Variants in NELFA observed in about 807,000 individuals in gnomAD.
The protein encoded by NELFA is negative elongation factor A.
Under a neutral mutation model 51.8 loss-of-function variants are expected in NELFA, and 35 were observed. The ratio of observed to expected loss-of-function variants is 0.68; its 90% confidence interval spans 0.52 to 0.90. The LOEUF (loss-of-function observed/expected upper bound fraction) is 0.90, where lower values mean the gene tolerates loss of function less well. NELFA is among the 40% of genes least tolerant of loss of function. The pLI is 0.00. For missense variants in NELFA, 658 were observed against 746.4 expected, an observed-to-expected ratio of 0.88 and a Z score of 1.38; for synonymous variants, 417 against 338.4, an observed-to-expected ratio of 1.23 and a Z score of -2.55.
intron 1 of NELFA, among the ~76,000 whole-genome samples, chr4:2,004,584 C>T: frequency 6.6e-6 from 1 of 151,698 alleles, no homozygotes. Context: ...ACCTCCCAGG[C>T]TCAAGTGATC....
intron 8 of NELFA, 35 bp from the exon 9 acceptor site, chr4:1,984,148 A>AC: frequency 6.7e-7 from 1 of 1,485,802 alleles, no homozygotes; most frequent in Non-Finnish European, 8.9e-7. Context: ...AGGGGGCTGG[A>AC]CCCCCACCCT....
chr4:2,002,339 A>G (rs1728604849), intron 1 of NELFA, among the ~76,000 whole-genome samples: 1 of 152,234 alleles, frequency 6.6e-6, no homozygotes, highest in Non-Finnish European at 1.5e-5. Flanking sequence ...GCTATTCCCA[A>G]CAAACTACCA....
At position 1,985,874 on chromosome 4, in the gene NELFA, A is replaced by G. The variant is rs750794021; in HGVS notation, c.836-10T>C. 6.2e-7 allele frequency: 1 copy of G among 1,609,562 alleles called. No individual in the cohort carries two copies. Among genetic ancestry groups the G allele is most frequent in the Non-Finnish European group, 8.5e-7 (1 of 1,177,308 alleles). Reference sequence around the variant, plus strand: ...TCCACCACCTCCGCATCTGTGGACAAAACAGGAGTCCTCGCCAGTGCCCGG... The same window carrying G: ...TCCACCACCTCCGCATCTGTGGACAGAACAGGAGTCCTCGCCAGTGCCCGG... On this transcript the variant is annotated splice_polypyrimidine_tract_variant and intron_variant, in intron 6 of 10. Coordinates refer to ENST00000382882, the MANE Select transcript of NELFA (RefSeq NM_005663.5).
intron 2 of NELFA, chr4:1,990,624 G>C: frequency 2.4e-6 from 1 of 416,138 alleles, no homozygotes; most frequent in Non-Finnish European, 4.9e-6. Flanking sequence ...GCAGGAGTGT[G>C]CAGCCTCGAT....
chr4:1,983,420 C>A lies in NELFA; in HGVS notation c.1486G>T (p.Gly496Cys). Reference sequence around the variant, plus strand: ...GTGTCCACCAGCATGGTTGTGCTACCCTGGCCGTCCGCCTTGGGCAGGTCC... The same window carrying A: ...GTGTCCACCAGCATGGTTGTGCTACACTGGCCGTCCGCCTTGGGCAGGTCC... The part of the protein sequence containing the change: ...TEDLPKADGQ[G>C]STTMLVDTVF... The change falls in exon 11 of 11, where the codon GGT becomes TGT. Residue 496 changes from glycine (G) to cysteine (C), a missense_variant. Physicochemically the swap from Gly to Cys is radical, Grantham distance 159. Transcript: ENST00000382882. The A allele has an allele frequency of 1.2e-6, 2 of 1,614,192 alleles. No individual in the cohort carries two copies. The highest frequency in any genetic ancestry group is 1.1e-5 in the South Asian group (1 of 91,084).
Position 1,991,725 on chromosome 4 carries a change from A to T in NELFA, c.211-10T>A, listed in dbSNP as rs528558119. On this transcript the variant is annotated splice_polypyrimidine_tract_variant and intron_variant, in intron 1 of 10. Coordinates refer to ENST00000382882, the MANE Select transcript of NELFA (RefSeq NM_005663.5). Reference sequence around the variant, plus strand: ...TTAGGGCGCCCTTCATCTGCAAAATAGGATGCTGCCGGCGCCACCATGCCC... The same window carrying T: ...TTAGGGCGCCCTTCATCTGCAAAATTGGATGCTGCCGGCGCCACCATGCCC... 6.3e-7 allele frequency: 1 copy of T among 1,579,670 alleles called. No individual in the cohort carries two copies. The highest frequency in any genetic ancestry group is 8.6e-7 in the Non-Finnish European group (1 of 1,164,308).
At position 1,989,247 on chromosome 4, in the gene NELFA, A is replaced by G. The variant is rs1405230165; in HGVS notation, c.544+461T>C. 6.6e-6 allele frequency among the ~76,000 whole-genome samples: 1 copy of G among 152,192 alleles called. No individual in the cohort carries two copies. The highest frequency in any genetic ancestry group is 1.9e-4 in the East Asian group (1 of 5,204). ...AGGTGTGAGCCACCATGCCCAGCCT[A>G]AATTCTGAAGTTTTTAAAGCATGTT... is the stretch of plus-strand genomic sequence containing the variant. On this transcript the variant is annotated intron_variant, in intron 3 of 10. Transcript: ENST00000382882. The surrounding 1 kb of genome is among the most constrained non-coding windows in gnomAD (Gnocchi z 4.8).
At chr4:2,000,113 A>T (rs1728532233) in intron 1 of NELFA, among the ~76,000 whole-genome samples, 1 of 152,224 alleles carries the variant, frequency 6.6e-6, no homozygotes. Flanking sequence ...TCTGGGACAC[A>T]GCTAAAGCAG....
At chr4:1,998,028 C>T (rs1247911822) in intron 1 of NELFA, among the ~76,000 whole-genome samples, 1 of 152,138 alleles carries the variant, frequency 6.6e-6, no homozygotes, top group Non-Finnish European at 1.5e-5. Flanking sequence ...CAGCAAACTG[C>T]AGCAGCCCTA....
At chr4:2,001,558 C>T (rs1003910618) in intron 1 of NELFA, among the ~76,000 whole-genome samples, 8 of 152,192 alleles carry the variant, frequency 5.3e-5, no homozygotes, top group Non-Finnish European at 1.2e-4. Context: ...ATACAGCTAA[C>T]AAGGGATGTG....
intron 1 of NELFA, among the ~76,000 whole-genome samples, chr4:1,994,706 T>C (rs1365963360): frequency 1.3e-5 from 2 of 151,426 alleles, no homozygotes; most frequent in Non-Finnish European, 2.9e-5. Context: ...ATACAAAAAA[T>C]TAGGCGGGCG....
At chr4:1,993,374 G>A (rs1728334221) in intron 1 of NELFA, among the ~76,000 whole-genome samples, 1 of 152,126 alleles carries the variant, frequency 6.6e-6, no homozygotes, top group Non-Finnish European at 1.5e-5. Context: ...GAGGTCAGGA[G>A]TTGGGGACCA....
chr4:1,985,727 A>G (rs1382614341), intron 7 of NELFA, 49 bp downstream of exon 7: 13 of 1,478,454 alleles, frequency 8.8e-6, no homozygotes, highest in Non-Finnish European at 1.2e-5. Context: ...TCGGAACAAA[A>G]GGGGCACCCG....
intron 1 of NELFA, chr4:2,008,092 C>A: frequency 2.2e-6 from 1 of 453,310 alleles, no homozygotes; most frequent in South Asian, 1.6e-5. Context: ...GACACTGGAG[C>A]TACCGAGCCC....
chr4:1,994,546 C>A (rs2109061978), intron 1 of NELFA, among the ~76,000 whole-genome samples: 1 of 150,174 alleles, frequency 6.7e-6, no homozygotes. Context: ...GCCTGGGCAA[C>A]AGAGCAAGAG....
At chr4:1,987,896 G>A (rs755420294) in intron 4 of NELFA, 22 bp downstream of exon 4, 29 of 1,581,422 alleles carry the variant, frequency 1.8e-5, no homozygotes, top group South Asian at 1.0e-4. Context: ...CAAGGCTCAC[G>A]GCACCAGGGT....
chr4:1,984,776 G>A (rs752516531), intron 8 of NELFA, 32 bp downstream of exon 8: 2 of 1,497,200 alleles, frequency 1.3e-6, no homozygotes, highest in Non-Finnish European at 9.1e-7. Flanking sequence ...CAGGCAGCTT[G>A]GCTGGTTCCA....
At position 1,989,672 on chromosome 4, in the gene NELFA, CAA is replaced by C; in HGVS notation, c.544+34_544+35del. On this transcript the variant is annotated intron_variant, in intron 3 of 10. Transcript: ENST00000382882. The surrounding 1 kb of genome is among the most constrained non-coding windows in gnomAD (Gnocchi z 4.8). ...CTAAGAAACCTATGACTGGAAACTA[CAA>C]AGACAATGCCCGATGGCGGCCGCGG... 2 of 1,599,198 alleles carry C rather than the reference CAA, an allele frequency of 1.3e-6. No individual in the cohort carries two copies. The highest frequency in any genetic ancestry group is 4.5e-5 in the East Asian group (2 of 44,834).
chr4:1,990,448 A>T (rs1166729354), intron 2 of NELFA: 1 of 456,588 alleles, frequency 2.2e-6, no homozygotes. Context: ...GGCACATGAG[A>T]GTTCACCGGC....
Sources: allele counts gnomAD v4.1 joint callset (sites outside exome capture counted in the v4.1 genomes callset), GRCh38; gene constraint gnomAD v4.1.1; non-coding constraint Gnocchi (gnomAD v3.1); transcripts MANE v1.5; gene names NCBI Gene and HGNC (gene_info 2026-07-23, HGNC 2026-07-21).